Variants in PHF24 observed in about 807,000 individuals in gnomAD.
PHF24 encodes the protein Galpha inhibitory interacting protein.
A neutral mutation model predicts 42.6 loss-of-function variants in PHF24; 25 were observed. That is an observed-to-expected ratio of 0.59 (90% CI 0.43 to 0.82). The LOEUF (loss-of-function observed/expected upper bound fraction) is 0.82, where lower values mean the gene tolerates loss of function less well. Ranked by LOEUF, PHF24 falls within the 40% of genes least tolerant of loss-of-function variation. The pLI, the probability that PHF24 is intolerant of heterozygous loss-of-function variation, is 0.00. For missense variants in PHF24, 470 were observed against 538.1 expected (o/e 0.87, Z 1.25); for synonymous variants, 185 against 204.8 (o/e 0.90, Z 0.83).
chr9:34,955,331 AG>A (rs752111507), upstream of PHF24, among the ~76,000 whole-genome samples: 634 of 148,024 alleles, frequency 4.3e-3, 5 homozygotes, highest in African/African-American at 0.013. Flanking sequence ...CAAAAAAAAA[AG>A]AAAAGAAAGT....
the PHF24 span, among the ~76,000 whole-genome samples, chr9:34,851,782 T>G: frequency 6.6e-6 from 1 of 152,218 alleles, no homozygotes; most frequent in Non-Finnish European, 1.5e-5. Flanking sequence ...CAAGTTAACT[T>G]TGACTGTGTA....
the PHF24 span, chr9:34,709,095 G>T: frequency 2.0e-6 from 1 of 508,386 alleles, no homozygotes; most frequent in Middle Eastern, 5.1e-4. Flanking sequence ...GCCGTATCAG[G>T]TCCAGGGTCC....
At chr9:34,875,180 A>AT in the PHF24 span, among the ~76,000 whole-genome samples, 2 of 152,132 alleles carry the variant, frequency 1.3e-5, no homozygotes, top group African/African-American at 4.8e-5. Context: ...TGATTTTTAG[A>AT]TTCCACAAAA....
At chr9:34,894,285 C>G in the PHF24 span, among the ~76,000 whole-genome samples, 39 of 152,176 alleles carry the variant, frequency 2.6e-4, no homozygotes, top group Non-Finnish European at 1.5e-5. Flanking sequence ...GCCCAGCCCC[C>G]CTGCCCTGGT....
At chr9:34,806,800 T>A in the PHF24 span, among the ~76,000 whole-genome samples, 1 of 152,194 alleles carries the variant, frequency 6.6e-6, no homozygotes, top group African/African-American at 2.4e-5. Flanking sequence ...AGTATTTTAT[T>A]GTTTTGATGC....
the PHF24 span, among the ~76,000 whole-genome samples, chr9:34,784,215 C>T: frequency 6.6e-6 from 1 of 152,142 alleles, no homozygotes; most frequent in African/African-American, 2.4e-5. Flanking sequence ...ATTAAGTTTT[C>T]TTGTACAAGG....
At chr9:34,734,819 G>A in the PHF24 span, among the ~76,000 whole-genome samples, 1 of 152,116 alleles carries the variant, frequency 6.6e-6, no homozygotes, top group African/African-American at 2.4e-5. Flanking sequence ...TGACCAACCA[G>A]GCTAATAAGC....
intron 1 of PHF24, among the ~76,000 whole-genome samples, chr9:34,969,458 G>A (rs1003028475): frequency 5.9e-5 from 9 of 151,934 alleles, no homozygotes; most frequent in East Asian, 3.9e-4. Flanking sequence ...TGGCTAACAC[G>A]GTGAAACCCC....
chr9:34,836,630 G>T, the PHF24 span, among the ~76,000 whole-genome samples: 7 of 152,258 alleles, frequency 4.6e-5, no homozygotes, highest in Non-Finnish European at 8.8e-5. Flanking sequence ...GCTGTGCCAG[G>T]AACTGGACTC....
the PHF24 span, among the ~76,000 whole-genome samples, chr9:34,680,003 G>A: frequency 2.6e-5 from 4 of 152,198 alleles, no homozygotes; most frequent in African/African-American, 9.7e-5. Context: ...TACACTGTTG[G>A]CTCACAGGAG....
chr9:34,832,244 T>C, the PHF24 span: 19 of 464,824 alleles, frequency 4.1e-5, no homozygotes, highest in Non-Finnish European at 6.9e-5. Context: ...CATGGCTCTG[T>C]GTGTTCTCCT....
the PHF24 span, among the ~76,000 whole-genome samples, chr9:34,789,086 G>A: frequency 5.1e-4 from 78 of 152,278 alleles, no homozygotes; most frequent in Admixed American, 1.3e-4. Flanking sequence ...AGTAAGGGAG[G>A]CTCCCACAGG....
chr9:34,930,966 T>C, the PHF24 span, among the ~76,000 whole-genome samples: 2 of 152,196 alleles, frequency 1.3e-5, no homozygotes, highest in South Asian at 4.2e-4. Flanking sequence ...GGGAGGTGAT[T>C]GGATCATGGG....
chr9:34,938,786 A>G, the PHF24 span, among the ~76,000 whole-genome samples: 10 of 151,546 alleles, frequency 6.6e-5, no homozygotes, highest in African/African-American at 2.4e-4. Context: ...AAAAAAAAAA[A>G]ATTAGTCAGG....
At chr9:34,860,570 AT>A in the PHF24 span, among the ~76,000 whole-genome samples, 1 of 151,334 alleles carries the variant, frequency 6.6e-6, no homozygotes, top group Non-Finnish European at 1.5e-5. Context: ...CCTTCCTTCT[AT>A]TTTTTTCTCT....
the PHF24 span, among the ~76,000 whole-genome samples, chr9:34,904,827 A>C: frequency 1.9e-5 from 1 of 52,016 alleles, no homozygotes; most frequent in Non-Finnish European, 4.3e-5. Context: ...AGGGTACCTA[A>C]TTCTTCCTGA....
the PHF24 span, among the ~76,000 whole-genome samples, chr9:34,722,524 C>G: frequency 1.3e-5 from 2 of 152,272 alleles, no homozygotes; most frequent in South Asian, 4.2e-4. Context: ...CTGTCGACCC[C>G]ATGGGATCAT....
exon 2 of PHF24, chr9:34,971,448 C>T (rs767164533): frequency 6.2e-7 from 1 of 1,614,156 alleles, no homozygotes; most frequent in Non-Finnish European, 8.5e-7. Context: ...CTGTAGAGGG[C>T]TCCGTCCAGG....
chr9:34,930,874 G>T, the PHF24 span, among the ~76,000 whole-genome samples: 2 of 152,216 alleles, frequency 1.3e-5, no homozygotes, highest in Admixed American at 6.5e-5. Flanking sequence ...TGAAACATAT[G>T]TAGGCGATAT....
Sources: gnomAD v4.1 joint callset for allele counts (sites outside exome capture counted in the v4.1 genomes callset) on GRCh38, gnomAD v4.1.1 for gene constraint, MANE v1.5 for transcripts, NCBI Gene and HGNC (gene_info 2026-07-23, HGNC 2026-07-21) for gene names.